LRIF1: variants seen among roughly 807,000 people sequenced by gnomAD.
LRIF1 encodes the protein ligand dependent nuclear receptor interacting factor 1.
In LRIF1, 32 loss-of-function variants were observed where a neutral mutation model predicts 52.7. The observed-to-expected ratio is 0.61, with a 90% CI of 0.46 to 0.82. The LOEUF is 0.82. LRIF1 is among the 40% of genes least tolerant of loss of function. The pLI, the probability that LRIF1 is intolerant of heterozygous loss-of-function variation, is 0.00. For synonymous variants in LRIF1, 323 were observed against 317.4 expected, an observed-to-expected ratio of 1.02 and a Z score of -0.19; for missense variants, 887 against 892.0, an observed-to-expected ratio of 0.99 and a Z score of 0.07.
At chr1:110,950,737 AT>A (rs1009788820) in intron 2 of LRIF1, among the ~76,000 whole-genome samples, 4 of 152,070 alleles carry the variant, frequency 2.6e-5, no homozygotes, top group Non-Finnish European at 5.9e-5. Context: ...CAAAAAAAAA[AT>A]CAACCCATCA....
At chr1:110,910,055 G>A in the LRIF1 span, among the ~76,000 whole-genome samples, 1 of 151,994 alleles carries the variant, frequency 6.6e-6, no homozygotes, top group Non-Finnish European at 1.5e-5. Flanking sequence ...GACCTACCAA[G>A]AGACTTAGAT....
chr1:110,882,230 C>T, the LRIF1 span, among the ~76,000 whole-genome samples: 2 of 152,002 alleles, frequency 1.3e-5, no homozygotes, highest in African/African-American at 4.8e-5. Context: ...TTGGATTTTA[C>T]CTTTAGATCT....
At chr1:110,941,075 AT>A in the LRIF1 span, 1 of 152,094 alleles carries the variant, frequency 6.6e-6, no homozygotes, top group East Asian at 1.9e-4. Flanking sequence ...CTATATTAAA[AT>A]ATCTCATGTA....
the LRIF1 span, among the ~76,000 whole-genome samples, chr1:110,893,798 G>C: frequency 2.0e-5 from 3 of 152,222 alleles, no homozygotes; most frequent in South Asian, 6.2e-4. Context: ...GAAGGAATAA[G>C]TGAAAATGTT....
chr1:110,884,068 T>A, the LRIF1 span, among the ~76,000 whole-genome samples: 5 of 152,140 alleles, frequency 3.3e-5, no homozygotes, highest in East Asian at 9.6e-4. Context: ...TGGGTTTAGT[T>A]TGTTATACTT....
chr1:110,955,857 G>C (rs1658676649), intron 1 of LRIF1, among the ~76,000 whole-genome samples: 2 of 152,272 alleles, frequency 1.3e-5, no homozygotes, highest in East Asian at 1.9e-4. Context: ...AGCCAGTTCA[G>C]GGAAGAAACT....
At chr1:110,928,867 C>T in the LRIF1 span, among the ~76,000 whole-genome samples, 1 of 152,092 alleles carries the variant, frequency 6.6e-6, no homozygotes, top group African/African-American at 2.4e-5. Context: ...TTAATGTAGG[C>T]CTTTTAGGTC....
the LRIF1 span, among the ~76,000 whole-genome samples, chr1:110,876,674 A>G: frequency 2.6e-5 from 4 of 152,104 alleles, no homozygotes; most frequent in African/African-American, 9.6e-5. Flanking sequence ...TCTTCTTAAA[A>G]TAACTATTGT....
the LRIF1 span, chr1:110,894,902 A>G: frequency 7.5e-7 from 1 of 1,329,644 alleles, no homozygotes; most frequent in South Asian, 1.2e-5. Context: ...GAAATTCCTT[A>G]TTCCTTGAAC....
the LRIF1 span, chr1:110,897,985 T>C: frequency 1.6e-6 from 1 of 616,778 alleles, no homozygotes; most frequent in Non-Finnish European, 2.8e-6. Context: ...ATTTACACAA[T>C]AAATGTTAGC....
At chr1:110,896,822 T>C in the LRIF1 span, 1 of 1,095,660 alleles carries the variant, frequency 9.1e-7, no homozygotes, top group Non-Finnish European at 1.3e-6. Flanking sequence ...GACCTAGACC[T>C]TCTATTGAGA....
At chr1:110,886,603 C>G in the LRIF1 span, among the ~76,000 whole-genome samples, 2 of 151,978 alleles carry the variant, frequency 1.3e-5, no homozygotes, top group African/African-American at 2.4e-5. Context: ...AATCCCAGCA[C>G]TTTGGGAGGC....
Position 110,951,395 on chromosome 1 carries a change from A to G in LRIF1, c.1489T>C (p.Tyr497His). The change falls in exon 2 of 4, where the codon TAT becomes CAT. Residue 497 changes from tyrosine to histidine, a missense_variant. Physicochemically the swap from Tyr to His is moderately conservative, Grantham distance 83. Transcript: ENST00000369763. ...NAPRKVTAVI[Y>H]ARKGSVLQSI... ...TGGAGGACACTTCCTTTTCTAGCAT[A>G]AATGACGGCTGTTACTTTTCTGGGG... is the stretch of plus-strand genomic sequence containing the variant. 2.5e-6 allele frequency: 4 copies of G among 1,614,180 alleles called. No individual in the cohort carries two copies. The highest frequency in any genetic ancestry group is 3.4e-6 in the Non-Finnish European group (4 of 1,180,008).
chr1:110,956,102 T>C (rs532842254), intron 1 of LRIF1, among the ~76,000 whole-genome samples: 7 of 152,312 alleles, frequency 4.6e-5, no homozygotes, highest in South Asian at 2.1e-4. Flanking sequence ...CATGACATCA[T>C]CTGCTAAAAG....
At chr1:110,891,144 T>C in the LRIF1 span, among the ~76,000 whole-genome samples, 3 of 152,256 alleles carry the variant, frequency 2.0e-5, no homozygotes, top group African/African-American at 7.2e-5. Context: ...CTCTATTTTC[T>C]TCTACAATAC....
chr1:110,900,705 C>A, the LRIF1 span, among the ~76,000 whole-genome samples: 1 of 147,332 alleles, frequency 6.8e-6, no homozygotes, highest in South Asian at 2.1e-4. Flanking sequence ...TCAGTTCTGC[C>A]ATACACTGTT....
the LRIF1 span, chr1:110,899,072 A>G: frequency 7.0e-7 from 1 of 1,428,130 alleles, no homozygotes; most frequent in South Asian, 1.2e-5. Context: ...GGCATTGTGA[A>G]AGAAATGGCT....
chr1:110,917,328 C>T, the LRIF1 span, among the ~76,000 whole-genome samples: 1 of 152,222 alleles, frequency 6.6e-6, no homozygotes, highest in African/African-American at 2.4e-5. Flanking sequence ...ACCCTGCAGA[C>T]TTCCAGCTCT....
the LRIF1 span, among the ~76,000 whole-genome samples, chr1:110,933,789 C>T: frequency 6.6e-6 from 1 of 152,086 alleles, no homozygotes; most frequent in Non-Finnish European, 1.5e-5. Context: ...ACAGGTGAGT[C>T]CATGTGCTGA....
Sources: gnomAD v4.1 joint callset for allele counts (sites outside exome capture counted in the v4.1 genomes callset) on GRCh38, gnomAD v4.1.1 for gene constraint, MANE v1.5 for transcripts, NCBI Gene and HGNC (gene_info 2026-07-23, HGNC 2026-07-21) for gene names.